Variants in AGK observed in about 807,000 individuals in gnomAD.
AGK encodes acylglycerol kinase, also known as acylglycerol kinase, mitochondrial.
Under a neutral mutation model 66.4 loss-of-function variants are expected in AGK, and 52 were observed. That is an observed-to-expected ratio of 0.78 (90% CI 0.63 to 0.99). The LOEUF (loss-of-function observed/expected upper bound fraction) is 0.99. AGK is among the 50% of genes least tolerant of loss of function. The probability of loss-of-function intolerance (pLI) is 0.00; values close to 1 mark genes in which losing one functional copy is unlikely to be tolerated. For synonymous variants in AGK, 182 were observed against 181.1 expected, an observed-to-expected ratio of 1.00 and a Z score of -0.04; for missense variants, 451 against 506.6, an observed-to-expected ratio of 0.89 and a Z score of 1.05.
At chr7:141,626,765 A>G (rs1796946949) in intron 9 of AGK, among the ~76,000 whole-genome samples, 2 of 152,224 alleles carry the variant, frequency 1.3e-5, no homozygotes, top group Non-Finnish European at 2.9e-5. Context: ...GAAATAACTA[A>G]CTGCAGTACA....
intron 2 of AGK, among the ~76,000 whole-genome samples, chr7:141,575,537 A>G (rs1050298331): frequency 6.6e-6 from 1 of 151,756 alleles, no homozygotes; most frequent in Admixed American, 6.6e-5. Context: ...CAGGGGTTTC[A>G]GGGTGTGTAG....
At chr7:141,562,678 T>G (rs1795375717) in intron 2 of AGK, among the ~76,000 whole-genome samples, 1 of 152,222 alleles carries the variant, frequency 6.6e-6, no homozygotes, top group African/African-American at 2.4e-5. Flanking sequence ...ACGCATTTAG[T>G]GTGGCTGGTC....
intron 5 of AGK, among the ~76,000 whole-genome samples, chr7:141,602,003 C>T (rs972630468): frequency 9.9e-5 from 15 of 151,752 alleles, no homozygotes; most frequent in African/African-American, 2.9e-4. Flanking sequence ...TGTTTGCCCC[C>T]GGGGGTAGGA....
rs747299882 is a variant in AGK at position 141,651,661 on chromosome 7, C to T, written c.1131+52C>T. 2.0e-6 allele frequency: 3 copies of T among 1,526,128 alleles called. No individual in the cohort carries two copies. The South Asian group carries it at 3.4e-5, about 17-fold the overall frequency. The allele number at this position is 1,526,128 out of a possible 1,614,324, so 94.5% of individuals were successfully genotyped here. A position where few individuals can be genotyped will look rare whatever the true frequency, so the allele number is the denominator to read the frequency against. On this transcript the variant is annotated intron_variant, in intron 15 of 15. Transcript: ENST00000649286. ...CAGCATTTGATTCGTTCGTCATCGGCCTGCCCCTCTGTGGTGTCCCATCCT... is the reference window on the plus strand; with the variant it reads ...CAGCATTTGATTCGTTCGTCATCGGTCTGCCCCTCTGTGGTGTCCCATCCT...
chr7:141,573,514 C>T lies in AGK; in HGVS notation c.101+17947C>T, dbSNP rs553157077. 2.0e-5 allele frequency among the ~76,000 whole-genome samples: 3 copies of T among 152,204 alleles called. No individual in the cohort carries two copies. In the East Asian group the frequency reaches 5.8e-4, roughly 29 times the overall value. ...TATCAATGGTTTTACACGTTCCAAG[C>T]GTTACAGAGAGAATAATCCAGCTGA... On this transcript the variant is annotated intron_variant, in intron 2 of 15. Coordinates refer to ENST00000649286, the MANE Select transcript of AGK (RefSeq NM_018238.4).
In AGK at chr7:141,591,082, G is replaced by GTTT. The variant is rs60762855; in HGVS notation, c.102-2039_102-2037dup. ...TTCAGTAAAACATGGTTCTTAAGTT[G>GTTT]TTTTTTTTTTTTTTTTTTTTTTTTT... On this transcript the variant is annotated intron_variant, in intron 2 of 15. Coordinates refer to ENST00000649286, the MANE Select transcript of AGK (RefSeq NM_018238.4). Among the ~76,000 whole-genome samples, 7 of 61,092 alleles carry GTTT rather than the reference G, an allele frequency of 1.1e-4. No homozygotes were observed. The Admixed American group carries it at 1.2e-3, about 11-fold the overall frequency. 40.1% of individuals were successfully genotyped at this position (61,092 alleles called of 152,430 possible). A position where few individuals can be genotyped will look rare whatever the true frequency, so the allele number is the denominator to read the frequency against.
At chr7:141,614,059 TTATGGTC>T in intron 6 of AGK, 80 bp from the exon 7 acceptor site, 1 of 996,140 alleles carries the variant, frequency 1.0e-6, no homozygotes, top group Middle Eastern at 3.0e-4. Flanking sequence ...AGGAGTAAGT[TTATGGTC>T]TATGAAAATT....
chr7:141,584,933 GA>G (rs1316432460), intron 2 of AGK, among the ~76,000 whole-genome samples: 1 of 152,132 alleles, frequency 6.6e-6, no homozygotes, highest in Non-Finnish European at 1.5e-5. Context: ...ATGACATTAG[GA>G]AACTTCTTTG....
At chr7:141,572,003 C>G (rs1201877740) in intron 2 of AGK, among the ~76,000 whole-genome samples, 3 of 152,110 alleles carry the variant, frequency 2.0e-5, no homozygotes, top group Non-Finnish European at 4.4e-5. Context: ...ATATTAATTA[C>G]TTAATTATAA....
At chr7:141,604,413 TACAC>T (rs943060142) in intron 5 of AGK, among the ~76,000 whole-genome samples, 1 of 132,716 alleles carries the variant, frequency 7.5e-6, no homozygotes, top group Non-Finnish European at 1.6e-5. Flanking sequence ...TACACATACA[TACAC>T]ACACACACAT....
intron 2 of AGK, among the ~76,000 whole-genome samples, chr7:141,582,611 TG>T (rs1795903909): frequency 6.6e-6 from 1 of 152,038 alleles, no homozygotes; most frequent in Non-Finnish European, 1.5e-5. Context: ...TGAACTGGAC[TG>T]GGTTTTTTAT....
At chr7:141,648,227 G>C (rs763050509) in intron 13 of AGK, among the ~76,000 whole-genome samples, 1 of 152,076 alleles carries the variant, frequency 6.6e-6, no homozygotes, top group Non-Finnish European at 1.5e-5. Flanking sequence ...TAATATAGTT[G>C]TGGCATCCTT....
intron 11 of AGK, among the ~76,000 whole-genome samples, chr7:141,637,884 A>T (rs1332160400): frequency 1.3e-5 from 2 of 152,226 alleles, no homozygotes; most frequent in Non-Finnish European, 2.9e-5. Context: ...AAATCACTGA[A>T]CTACTAGAAG....
At chr7:141,617,551 C>T (rs1412319930) in intron 8 of AGK, among the ~76,000 whole-genome samples, 1 of 152,086 alleles carries the variant, frequency 6.6e-6, no homozygotes, top group Non-Finnish European at 1.5e-5. Flanking sequence ...TTTGTTGTAC[C>T]ATAGTTACCA....
At chr7:141,610,169 A>G (rs1796554127) in intron 5 of AGK, among the ~76,000 whole-genome samples, 1 of 152,006 alleles carries the variant, frequency 6.6e-6, no homozygotes, top group Admixed American at 6.6e-5. Context: ...GGGTTTCACC[A>G]TGTTGGCCAG....
In AGK at chr7:141,626,950, C is replaced by T. The variant is rs117661565; in HGVS notation, c.588+5149C>T. ...TGTATGTTCTTGTTCTTAGGAGATG[C>T]AAGATGAAATATTTAGTGGTACAGG... On this transcript the variant is annotated intron_variant, in intron 9 of 15. Transcript: ENST00000649286. 3.1e-3 allele frequency among the ~76,000 whole-genome samples: 467 copies of T among 152,222 alleles called. 6 individuals carry two copies. Among genetic ancestry groups the T allele is most frequent in the Non-Finnish European group, 4.2e-3 (283 of 68,016 alleles).
chr7:141,612,957 A>G (rs1796623471), intron 6 of AGK, among the ~76,000 whole-genome samples: 1 of 152,180 alleles, frequency 6.6e-6, no homozygotes, highest in South Asian at 2.1e-4. Flanking sequence ...ACCAGTGTTC[A>G]GGGATCAGAA....
intron 13 of AGK, among the ~76,000 whole-genome samples, chr7:141,645,142 G>A (rs1797382210): frequency 1.3e-5 from 2 of 151,996 alleles, no homozygotes; most frequent in South Asian, 2.1e-4. Flanking sequence ...TCAATTTGGA[G>A]AGAAATGACA....
chr7:141,601,439 A>C (rs552694183), intron 5 of AGK, among the ~76,000 whole-genome samples, 159 bp downstream of exon 5: 23 of 152,288 alleles, frequency 1.5e-4, no homozygotes, highest in Non-Finnish European at 3.1e-4. Flanking sequence ...TTTTTTTCCA[A>C]ATAGTGTCAG....
Sources: allele counts gnomAD v4.1 joint callset (sites outside exome capture counted in the v4.1 genomes callset), GRCh38; gene constraint gnomAD v4.1.1; transcripts MANE v1.5; gene names NCBI Gene and HGNC (gene_info 2026-07-23, HGNC 2026-07-21).